Variants in XKR6 observed in about 807,000 individuals in gnomAD.
The protein encoded by XKR6 is XK-related protein 6.
A neutral mutation model predicts 56.7 loss-of-function variants in XKR6; 22 were observed. That is an observed-to-expected ratio of 0.39 (90% CI 0.28 to 0.55). XKR6 has a LOEUF of 0.55. Ranked by LOEUF, XKR6 falls within the 20% of genes least tolerant of loss-of-function variation. The pLI, the probability that XKR6 is intolerant of heterozygous loss-of-function variation, is 0.66. For synonymous variants in XKR6, 524 were observed against 387.8 expected, an observed-to-expected ratio of 1.35 and a Z score of -4.13; for missense variants, 852 against 889.0, an observed-to-expected ratio of 0.96 and a Z score of 0.53.
At chr8:11,139,713 T>C (rs1424445820) in intron 1 of XKR6, among the ~76,000 whole-genome samples, 1 of 152,050 alleles carries the variant, frequency 6.6e-6, no homozygotes, top group African/African-American at 2.4e-5. Context: ...AGGAAACCTG[T>C]ACAAAAGCCA....
chr8:10,897,358 T>C lies in XKR6; in HGVS notation c.*594A>G, dbSNP rs1288355609. The C allele has an allele frequency of 1.1e-4, 17 of 152,604 alleles. No individual in the cohort carries two copies. The highest frequency in any genetic ancestry group is 7.2e-4 in the Admixed American group (11 of 15,286). 9.5% of individuals were successfully genotyped at this position (152,604 alleles called of 1,614,324 possible). Reference sequence around the variant, plus strand: ...GCTTTGTGTTGTATTTGTTGGTTGGTTTTTGTTTCACTTTTAGATTTGTTT... The same window carrying C: ...GCTTTGTGTTGTATTTGTTGGTTGGCTTTTGTTTCACTTTTAGATTTGTTT... On this transcript the variant is annotated 3_prime_UTR_variant, in exon 3 of 3. Transcript: ENST00000416569.
chr8:11,055,006 T>C (rs1352019060), intron 1 of XKR6, among the ~76,000 whole-genome samples: 2 of 152,168 alleles, frequency 1.3e-5, no homozygotes, highest in Admixed American at 6.5e-5. Flanking sequence ...GAGGGGGCTG[T>C]AGACAAGCAG....
intron 1 of XKR6, among the ~76,000 whole-genome samples, chr8:10,967,326 T>A (rs1354340124): frequency 6.6e-6 from 1 of 152,134 alleles, no homozygotes; most frequent in African/African-American, 2.4e-5. Flanking sequence ...TGTAGGGGCG[T>A]GATAAGCTGC....
intron 2 of XKR6, among the ~76,000 whole-genome samples, chr8:10,905,867 A>C (rs1800174415): frequency 6.6e-6 from 1 of 152,216 alleles, no homozygotes; most frequent in African/African-American, 2.4e-5. Context: ...AGGATAAGGC[A>C]GCTGTGTCCA....
chr8:11,110,971 G>T (rs1798864336), intron 1 of XKR6, among the ~76,000 whole-genome samples: 1 of 150,908 alleles, frequency 6.6e-6, no homozygotes, highest in Admixed American at 6.6e-5. Flanking sequence ...CGAGTAGCTG[G>T]GACTACAGGC....
At chr8:10,972,552 C>T (rs1471929540) in intron 1 of XKR6, among the ~76,000 whole-genome samples, 4 of 152,194 alleles carry the variant, frequency 2.6e-5, no homozygotes, top group East Asian at 1.9e-4. Context: ...GGATTTCTGA[C>T]ATGAGCTACA....
rs1236556183 is a variant in XKR6, at chr8:10,924,734, G to A, written c.861C>T (p.Val287=). ...YWAMMYEYAD[V]NMLRLLETFL... ...AGGTCTCCAGGAGGCGCAGCATGTT[G>A]ACGTCTGCATATTCATACATCATAG... The change falls in exon 2 of 3, where the codon GTC becomes GTT. Residue 287 remains valine, a synonymous_variant. Transcript: ENST00000416569. The A allele has an allele frequency of 1.9e-6, 3 of 1,613,844 alleles. No homozygotes were observed. The African/African-American group carries it at 4.0e-5, about 22-fold the overall frequency.
At chr8:11,119,896 A>C (rs1799362663) in intron 1 of XKR6, among the ~76,000 whole-genome samples, 1 of 152,208 alleles carries the variant, frequency 6.6e-6, no homozygotes, top group African/African-American at 2.4e-5. Context: ...AAAATCAATA[A>C]ACGTAATCCA....
Position 11,033,430 on chromosome 8 carries a change from G to GTGATGATGATGA in XKR6, c.765-108601_765-108600insTCATCATCATCA, listed in dbSNP as rs927719207. 2.3e-3 allele frequency among the ~76,000 whole-genome samples: 313 copies of GTGATGATGATGA among 139,100 alleles called. 3 individuals are homozygous for GTGATGATGATGA. The highest frequency in any genetic ancestry group is 8.5e-3 in the African/African-American group (295 of 34,898). 91.3% of individuals were successfully genotyped at this position (139,100 alleles called of 152,430 possible). ...GATGGTGATGATGATGATGATGATG[G>GTGATGATGATGA]TGATGATGATGGTCGTAATGATGAT... On this transcript the variant is annotated intron_variant, in intron 1 of 2. Transcript: ENST00000416569.
In XKR6 at chr8:11,030,560, C is replaced by T. The variant is rs372029520; in HGVS notation, c.765-105730G>A. Among the ~76,000 whole-genome samples the T allele has an allele frequency of 1.1e-3, 173 of 152,262 alleles. 2 individuals carry two copies. The highest frequency in any genetic ancestry group is 1.6e-3 in the Non-Finnish European group (110 of 68,022). ...CCTCTTGAGAAATCTAGCATGTGCC[C>T]GAGTGCCAACCCACCAGCAATGACC... On this transcript the variant is annotated intron_variant, in intron 1 of 2. Coordinates refer to ENST00000416569, the MANE Select transcript of XKR6 (RefSeq NM_173683.4).
At chr8:10,946,478 C>T (rs1053445474) in intron 1 of XKR6, among the ~76,000 whole-genome samples, 5 of 152,016 alleles carry the variant, frequency 3.3e-5, no homozygotes, top group African/African-American at 1.2e-4. Flanking sequence ...GTGGGCTTAT[C>T]ATTAATGAAT....
chr8:11,123,801 T>C (rs1365559105), intron 1 of XKR6: 2 of 454,218 alleles, frequency 4.4e-6, no homozygotes, highest in South Asian at 1.5e-5. Context: ...CTCAGTGTAA[T>C]GCCAGACACT....
intron 1 of XKR6, among the ~76,000 whole-genome samples, chr8:11,001,025 C>G (rs978243870): frequency 5.3e-5 from 8 of 152,206 alleles, no homozygotes; most frequent in African/African-American, 1.9e-4. Flanking sequence ...CCAACTGAAA[C>G]AAACCTCAAG....
intron 1 of XKR6, among the ~76,000 whole-genome samples, chr8:11,121,274 T>C (rs1057207460): frequency 1.5e-4 from 23 of 152,260 alleles, no homozygotes; most frequent in African/African-American, 4.3e-4. Flanking sequence ...GAGAAAATTT[T>C]TGCAACCTCC....
chr8:11,190,953 C>T (rs1803539933), intron 1 of XKR6, among the ~76,000 whole-genome samples: 1 of 152,022 alleles, frequency 6.6e-6, no homozygotes. Flanking sequence ...TTCTCTACGC[C>T]TCCTCCACTC....
At chr8:10,911,648 AGAATATATATATATC>A (rs1264550884) in intron 2 of XKR6, among the ~76,000 whole-genome samples, 1 of 148,242 alleles carries the variant, frequency 6.7e-6, no homozygotes, top group African/African-American at 2.5e-5. Context: ...ATATATATAT[AGAATATATATATATC>A]TATAAAGAGA....
intron 1 of XKR6, among the ~76,000 whole-genome samples, chr8:11,086,320 T>C (rs184836768): frequency 1.6e-3 from 247 of 152,248 alleles, no homozygotes; most frequent in African/African-American, 5.7e-3. Context: ...CAGGACATTC[T>C]GGATATTAAA....
chr8:11,119,305 T>C (rs1227932739), intron 1 of XKR6, among the ~76,000 whole-genome samples: 1 of 152,192 alleles, frequency 6.6e-6, no homozygotes, highest in African/African-American at 2.4e-5. Flanking sequence ...GGTGGAGAGT[T>C]CTGTAGATGT....
At chr8:11,063,047 T>C (rs1481685439) in intron 1 of XKR6, 1 of 350,128 alleles carries the variant, frequency 2.9e-6, no homozygotes, top group Non-Finnish European at 5.6e-6. Context: ...TTTGGACTCC[T>C]ATATGGACAA....
Sources: allele counts gnomAD v4.1 joint callset (sites outside exome capture counted in the v4.1 genomes callset), GRCh38; gene constraint gnomAD v4.1.1; transcripts MANE v1.5; gene names NCBI Gene and HGNC (gene_info 2026-07-23, HGNC 2026-07-21).